SLCO3A1: variants seen among roughly 807,000 people sequenced by gnomAD.
SLCO3A1 encodes the protein solute carrier organic anion transporter family member 3A1, also known as PGE1 transporter.
SLCO3A1 carries 27 observed loss-of-function variants against 63.1 expected under a neutral mutation model. That is an observed-to-expected ratio of 0.43 (90% CI 0.32 to 0.59). The LOEUF (loss-of-function observed/expected upper bound fraction) is 0.59. Among genes scored for constraint, SLCO3A1 ranks in the 20% least tolerant of loss-of-function variants. The pLI, the probability that SLCO3A1 is intolerant of heterozygous loss-of-function variation, is 0.09. For missense variants in SLCO3A1, 773 were observed against 945.8 expected (o/e 0.82, Z 2.40); for synonymous variants, 473 against 409.9 (o/e 1.15, Z -1.86).
rs1396402351 is a variant in SLCO3A1 at position 92,033,414 on chromosome 15, G to T, written c.647-61467G>T. Among the ~76,000 whole-genome samples, 1 of 152,208 alleles carries T rather than the reference G, an allele frequency of 6.6e-6. No individual in the cohort carries two copies. Among genetic ancestry groups the T allele is most frequent in the African/African-American group, 2.4e-5 (1 of 41,438 alleles). ...CTCCAACTCTCTTCCCCTTAGTGGA[G>T]AAGTAACGATGTTCACGCTTGGGCA... is the stretch of plus-strand genomic sequence containing the variant. On this transcript the variant is annotated intron_variant, in intron 2 of 9. Coordinates refer to ENST00000318445, the MANE Select transcript of SLCO3A1 (RefSeq NM_013272.4). The surrounding 1 kb of genome is among the most constrained non-coding windows in gnomAD (Gnocchi z 4.5).
At position 92,122,077 on chromosome 15, in the gene SLCO3A1, G is replaced by A. The variant is rs547337877; in HGVS notation, c.1174+1448G>A. 2.6e-5 allele frequency among the ~76,000 whole-genome samples: 4 copies of A among 152,312 alleles called. No individual in the cohort carries two copies. In the East Asian group the frequency reaches 5.8e-4, roughly 22 times the overall value. ...AGTCGAGGGAGGGAGTGGTGACTAT[G>A]TGGTTGCTGGGACAGGAAAGACTTG... On this transcript the variant is annotated intron_variant, in intron 5 of 9. Transcript: ENST00000318445.
intron 2 of SLCO3A1, among the ~76,000 whole-genome samples, chr15:92,040,516 G>C (rs1417825618): frequency 1.3e-5 from 2 of 152,196 alleles, no homozygotes; most frequent in African/African-American, 4.8e-5. Flanking sequence ...TCCAGGCCCA[G>C]GAAATGGGTA....
chr15:91,953,412 A>T (rs879347524), intron 2 of SLCO3A1, among the ~76,000 whole-genome samples: 13 of 152,066 alleles, frequency 8.5e-5, no homozygotes, highest in Non-Finnish European at 1.5e-4. Flanking sequence ...GAACCACCAG[A>T]GGTGGTGAAT....
chr15:91,995,745 A>AC (rs1250775921), intron 2 of SLCO3A1, among the ~76,000 whole-genome samples: 1 of 151,880 alleles, frequency 6.6e-6, no homozygotes, highest in African/African-American at 2.4e-5. Flanking sequence ...AAAAAAAAAA[A>AC]AAAAAAACTT....
chr15:91,906,216 C>T (rs1484477532), intron 1 of SLCO3A1, among the ~76,000 whole-genome samples: 1 of 151,400 alleles, frequency 6.6e-6, no homozygotes, highest in Non-Finnish European at 1.5e-5. Context: ...TTTAATGATA[C>T]CCCCATTCCA....
chr15:91,992,445 A>G (rs545991175), intron 2 of SLCO3A1, among the ~76,000 whole-genome samples: 1 of 152,162 alleles, frequency 6.6e-6, no homozygotes, highest in Non-Finnish European at 1.5e-5. Context: ...GACCCTGACT[A>G]CATGATTTGT....
At chr15:92,078,799 G>T (rs987950867) in intron 2 of SLCO3A1, among the ~76,000 whole-genome samples, 3 of 152,162 alleles carry the variant, frequency 2.0e-5, no homozygotes, top group African/African-American at 7.2e-5. Context: ...ATTAAATGAG[G>T]TAGTACATGG....
chr15:91,902,680 G>A (rs1036859678), intron 1 of SLCO3A1, among the ~76,000 whole-genome samples: 3 of 151,968 alleles, frequency 2.0e-5, no homozygotes, highest in Non-Finnish European at 4.4e-5. Context: ...GGTTGTTTTT[G>A]ACAGTTTTAT....
chr15:92,000,652 A>G (rs192729577), intron 2 of SLCO3A1, among the ~76,000 whole-genome samples: 1 of 152,286 alleles, frequency 6.6e-6, no homozygotes, highest in East Asian at 1.9e-4. Flanking sequence ...TAATTTAATT[A>G]TTTTCTGTAT....
At chr15:92,153,455 T>C (rs1237531424) in intron 9 of SLCO3A1, 1 of 152,228 alleles carries the variant, frequency 6.6e-6, no homozygotes, top group Non-Finnish European at 1.5e-5. Context: ...AAGCAGCTCA[T>C]TGAAGAAGTC....
intron 2 of SLCO3A1, among the ~76,000 whole-genome samples, chr15:91,971,951 A>G (rs1900892227): frequency 6.6e-6 from 1 of 151,890 alleles, no homozygotes; most frequent in Non-Finnish European, 1.5e-5. Flanking sequence ...TTTTTTTATG[A>G]GTTTGGAATA....
At chr15:92,126,374 C>T (rs1033518696) in intron 6 of SLCO3A1, 115 bp downstream of exon 6, 36 of 794,590 alleles carry the variant, frequency 4.5e-5, no homozygotes, top group Middle Eastern at 3.6e-4. Context: ...AGACGCATCA[C>T]GGCTGCCTCT....
In SLCO3A1 at chr15:91,857,029, C is replaced by CGTGTGT. The variant is rs58042356; in HGVS notation, c.180+2977_180+2982dup. The stretch of plus-strand genomic sequence containing the variant: ...AGAAGCAACTTTGAGAAGGAGGACT[C>CGTGTGT]GTGTGTGTGTGTGTGTGTGTGTGTG... On this transcript the variant is annotated intron_variant, in intron 1 of 9. Transcript: ENST00000318445. 1.1e-3 allele frequency among the ~76,000 whole-genome samples: 155 copies of CGTGTGT among 139,118 alleles called. 1 individual carries two copies. The highest frequency in any genetic ancestry group is 3.6e-3 in the Middle Eastern group (1 of 276). The allele number at this position is 139,118 out of a possible 152,430, so 91.3% of individuals were successfully genotyped here. A position where few individuals can be genotyped will look rare whatever the true frequency, so the allele number is the denominator to read the frequency against.
intron 2 of SLCO3A1, among the ~76,000 whole-genome samples, chr15:92,092,819 C>G (rs2047492922): frequency 6.6e-6 from 1 of 152,138 alleles, no homozygotes; most frequent in Non-Finnish European, 1.5e-5. Context: ...TATGACAAAC[C>G]AGAGATAATG....
intron 7 of SLCO3A1, among the ~76,000 whole-genome samples, chr15:92,146,503 G>A (rs979323513): frequency 3.3e-5 from 5 of 152,220 alleles, no homozygotes; most frequent in Admixed American, 6.5e-5. Context: ...GCGTGACAGC[G>A]TGCAGCCTTT....
intron 2 of SLCO3A1, among the ~76,000 whole-genome samples, chr15:92,069,852 G>A (rs1188495025): frequency 6.6e-6 from 1 of 152,110 alleles, no homozygotes; most frequent in East Asian, 1.9e-4. Flanking sequence ...ATAACTTCCT[G>A]GTTCCTTTCT....
intron 2 of SLCO3A1, among the ~76,000 whole-genome samples, chr15:91,931,469 G>GTT (rs1899226270): frequency 1.3e-5 from 2 of 149,422 alleles, no homozygotes; most frequent in Non-Finnish European, 3.0e-5. Flanking sequence ...CTGCTGGGTT[G>GTT]TATCTTTTTT....
At chr15:91,956,132 G>C (rs1374745499) in intron 2 of SLCO3A1, among the ~76,000 whole-genome samples, 1 of 152,126 alleles carries the variant, frequency 6.6e-6, no homozygotes, top group Non-Finnish European at 1.5e-5. Context: ...CCAGCTTTTG[G>C]AAAAGGAAAA....
intron 2 of SLCO3A1, among the ~76,000 whole-genome samples, chr15:91,987,754 A>AAG (rs1186509572): frequency 2.0e-5 from 3 of 151,578 alleles, no homozygotes; most frequent in African/African-American, 7.3e-5. Flanking sequence ...AAAAAAAAAA[A>AAG]AAAGATAATA....
Sources: allele counts gnomAD v4.1 joint callset (sites outside exome capture counted in the v4.1 genomes callset), GRCh38; gene constraint gnomAD v4.1.1; non-coding constraint Gnocchi (gnomAD v3.1); transcripts MANE v1.5; gene names NCBI Gene and HGNC (gene_info 2026-07-23, HGNC 2026-07-21).